ERBB4: variants seen among roughly 807,000 people sequenced by gnomAD.
ERBB4 encodes erb-b2 receptor tyrosine kinase 4.
ERBB4 carries 42 observed loss-of-function variants against 158.0 expected under a neutral mutation model. The observed-to-expected ratio is 0.27, with a 90% CI of 0.21 to 0.34. The LOEUF (loss-of-function observed/expected upper bound fraction) is 0.34, where lower values mean the gene tolerates loss of function less well. ERBB4 is among the 10% of genes least tolerant of loss of function. ERBB4 has a pLI of 1.00. For missense variants in ERBB4, 1,333 were observed against 1,624.1 expected (o/e 0.82, Z 3.08); for synonymous variants, 583 against 558.7 (o/e 1.04, Z -0.61).
At chr2:212,243,271 A>T (rs775777870) in intron 1 of ERBB4, among the ~76,000 whole-genome samples, 1 of 152,196 alleles carries the variant, frequency 6.6e-6, no homozygotes, top group Non-Finnish European at 1.5e-5. Context: ...CTTAGGAGGC[A>T]TTCAACTGAT....
chr2:212,368,737 C>CT (rs1340022917), intron 1 of ERBB4, among the ~76,000 whole-genome samples: 1 of 152,084 alleles, frequency 6.6e-6, no homozygotes, highest in Admixed American at 6.6e-5. Context: ...TACCACCACT[C>CT]TTTTTTCCCA....
At chr2:212,537,887 T>C (rs1284158921) in intron 1 of ERBB4, among the ~76,000 whole-genome samples, 5 of 152,118 alleles carry the variant, frequency 3.3e-5, no homozygotes, top group Non-Finnish European at 7.4e-5. Flanking sequence ...GCACTCCGGC[T>C]GCCCGGGCTG....
At chr2:212,463,021 G>C (rs1333277571) in intron 1 of ERBB4, among the ~76,000 whole-genome samples, 2 of 152,048 alleles carry the variant, frequency 1.3e-5, no homozygotes, top group Admixed American at 6.6e-5. Context: ...AATAAATACT[G>C]CATGTTCTCA....
At chr2:211,537,043 C>T (rs2066674359) in intron 20 of ERBB4, among the ~76,000 whole-genome samples, 1 of 146,678 alleles carries the variant, frequency 6.8e-6, no homozygotes, top group Non-Finnish European at 1.5e-5. Flanking sequence ...AGAGAGAATA[C>T]TGCAAAATAT....
intron 1 of ERBB4, among the ~76,000 whole-genome samples, chr2:212,137,736 A>G (rs9678442): frequency 0.65 from 98,521 of 152,002 alleles, 32,945 homozygotes; most frequent in African/African-American, 0.75. Context: ...TTAGGTCTTT[A>G]AGGAATCAAC....
Position 211,513,852 on chromosome 2 carries a change from T to A in ERBB4, c.2487+48051A>T, listed in dbSNP as rs181190837. 3.0e-4 allele frequency among the ~76,000 whole-genome samples: 46 copies of A among 151,980 alleles called. No homozygotes were observed. In the East Asian group the frequency reaches 7.9e-3, roughly 26 times the overall value. ...TATATTTTTGGGGGGGATTAAAAAA[T>A]TGATTAAAAAATTGTACAGTTATTG... is the stretch of plus-strand genomic sequence containing the variant. On this transcript the variant is annotated intron_variant, in intron 20 of 27. Coordinates refer to ENST00000342788, the MANE Select transcript of ERBB4 (RefSeq NM_005235.3).
intron 20 of ERBB4, among the ~76,000 whole-genome samples, chr2:211,499,053 T>C (rs2065548256): frequency 6.6e-6 from 1 of 152,180 alleles, no homozygotes; most frequent in Non-Finnish European, 1.5e-5. Flanking sequence ...CAGAGCCTAG[T>C]GCTGAGTAAG....
intron 20 of ERBB4, among the ~76,000 whole-genome samples, chr2:211,451,790 G>A (rs1453294600): frequency 1.3e-5 from 2 of 152,136 alleles, no homozygotes; most frequent in Non-Finnish European, 2.9e-5. Context: ...ACTACTTAAG[G>A]CTGTATAAAA....
At chr2:212,398,944 TTTATTA>T (rs983942619) in intron 1 of ERBB4, among the ~76,000 whole-genome samples, 9 of 152,056 alleles carry the variant, frequency 5.9e-5, no homozygotes, top group African/African-American at 2.2e-4. Flanking sequence ...TTCTATTTAT[TTTATTA>T]TTATTATTTT....
At chr2:211,844,682 C>A (rs2077550229) in intron 3 of ERBB4, among the ~76,000 whole-genome samples, 2 of 152,154 alleles carry the variant, frequency 1.3e-5, no homozygotes, top group South Asian at 4.1e-4. Flanking sequence ...AATAGATTTA[C>A]ATATTTTCAA....
At chr2:212,204,716 A>T (rs1450675200) in intron 1 of ERBB4, among the ~76,000 whole-genome samples, 2 of 151,856 alleles carry the variant, frequency 1.3e-5, no homozygotes, top group Non-Finnish European at 2.9e-5. Context: ...AAACAAAAAA[A>T]AAAACAGTAT....
chr2:212,293,859 C>A (rs7567905), intron 1 of ERBB4, among the ~76,000 whole-genome samples: 74,214 of 96,762 alleles, frequency 0.77, 26,674 homozygotes, highest in East Asian at 0.83. Flanking sequence ...AAAAAAAAAA[C>A]AAAAAAAAAA....
chr2:212,511,900 G>C (rs1308184613), intron 1 of ERBB4, among the ~76,000 whole-genome samples: 3 of 152,106 alleles, frequency 2.0e-5, no homozygotes, highest in Non-Finnish European at 2.9e-5. Flanking sequence ...CAGTACCAAA[G>C]GATGGGCTGC....
Position 212,284,646 on chromosome 2 carries a change from T to C in ERBB4, c.83-159743A>G, listed in dbSNP as rs73066373. Among the ~76,000 whole-genome samples the C allele has an allele frequency of 4.6e-3, 693 of 152,274 alleles. 3 individuals carry two copies. Among genetic ancestry groups the C allele is most frequent in the African/African-American group, 0.016 (652 of 41,582 alleles). On this transcript the variant is annotated intron_variant, in intron 1 of 27. Transcript: ENST00000342788. ...TATTTGACAGACTATTTGAGTATCT[T>C]TTTGCCTGTGTATTCCATAGCATGA...
At chr2:211,908,367 G>T (rs2079452504) in intron 3 of ERBB4, among the ~76,000 whole-genome samples, 1 of 151,734 alleles carries the variant, frequency 6.6e-6, no homozygotes, top group South Asian at 2.1e-4. Context: ...CTCTGACAAA[G>T]GACCCTAGGA....
intron 1 of ERBB4, among the ~76,000 whole-genome samples, chr2:212,179,947 A>G (rs2081803930): frequency 6.6e-6 from 1 of 151,698 alleles, no homozygotes; most frequent in Non-Finnish European, 1.5e-5. Flanking sequence ...TGAATAATAG[A>G]TGATAAAAAA....
chr2:212,177,884 A>G (rs1473936155), intron 1 of ERBB4, among the ~76,000 whole-genome samples: 1 of 151,850 alleles, frequency 6.6e-6, no homozygotes, highest in Non-Finnish European at 1.5e-5. Flanking sequence ...TGGAGGATAA[A>G]GCACTTAAGC....
intron 25 of ERBB4, among the ~76,000 whole-genome samples, chr2:211,413,791 C>T (rs867649219): frequency 8.6e-5 from 13 of 151,778 alleles, no homozygotes; most frequent in Admixed American, 5.9e-4. Context: ...ATTAGGCATG[C>T]GGACACATTG....
intron 25 of ERBB4, among the ~76,000 whole-genome samples, chr2:211,397,110 G>T (rs1187884306): frequency 6.6e-6 from 1 of 152,074 alleles, no homozygotes; most frequent in African/African-American, 2.4e-5. Flanking sequence ...AAGAATATCA[G>T]ATTGAAGGCA....
Sources: allele counts gnomAD v4.1 joint callset (sites outside exome capture counted in the v4.1 genomes callset), GRCh38; gene constraint gnomAD v4.1.1; transcripts MANE v1.5; gene names NCBI Gene and HGNC (gene_info 2026-07-23, HGNC 2026-07-21).